Variants in UBN1 observed in about 807,000 individuals in gnomAD.
UBN1 encodes the protein ubinuclein 1, also known as ubinuclein-1.
In UBN1, 17 loss-of-function variants were observed where a neutral mutation model predicts 108.5. The observed-to-expected ratio is 0.16, with a 90% CI of 0.11 to 0.24. The LOEUF (loss-of-function observed/expected upper bound fraction) is 0.24. Ranked by LOEUF, UBN1 falls within the 10% of genes least tolerant of loss-of-function variation. UBN1 has a pLI of 1.00. For missense variants in UBN1, 1,595 were observed against 1,394.4 expected, an observed-to-expected ratio of 1.14 and a Z score of -2.29; for synonymous variants, 726 against 564.2, an observed-to-expected ratio of 1.29 and a Z score of -4.07.
intron 8 of UBN1, among the ~76,000 whole-genome samples, chr16:4,869,906 A>C (rs118185800): frequency 6.6e-6 from 1 of 152,150 alleles, no homozygotes; most frequent in Non-Finnish European, 1.5e-5. Flanking sequence ...TCCACTTTGA[A>C]AGCTTTCATG....
intron 2 of UBN1, among the ~76,000 whole-genome samples, chr16:4,854,537 A>C (rs893726263): frequency 9.8e-6 from 1 of 102,052 alleles, no homozygotes; most frequent in African/African-American, 3.8e-5. Flanking sequence ...TTGTATTTTT[A>C]GTAGAGATGG....
At position 4,877,118 on chromosome 16, in the gene UBN1, GCTT is replaced by G; in HGVS notation, c.3265+11_3265+13del. The stretch of plus-strand genomic sequence containing the variant: ...CACCATGGCCTTGGCCACAGTAAGT[GCTT>G]CTTTGCTGCCTCTGGTCACTCAGGA... On this transcript the variant is annotated splice_region_variant and intron_variant, in intron 16 of 17. Coordinates refer to ENST00000262376, the MANE Select transcript of UBN1 (RefSeq NM_001079514.3). The surrounding 1 kb of genome is among the most constrained non-coding windows in gnomAD (Gnocchi z 4.3). 6.2e-7 allele frequency: 1 copy of G among 1,600,616 alleles called. No individual in the cohort carries two copies. The highest frequency in any genetic ancestry group is 8.5e-7 in the Non-Finnish European group (1 of 1,173,822).
At chr16:4,874,167 A>G in intron 14 of UBN1, 44 bp from the exon 15 acceptor site, 1 of 1,506,062 alleles carries the variant, frequency 6.6e-7, no homozygotes, top group South Asian at 1.4e-5. Context: ...CAATGTTGGC[A>G]TCTTTGGACC....
chr16:4,864,075 C>CTTTTTT (rs796516323), intron 7 of UBN1, among the ~76,000 whole-genome samples: 5 of 86,430 alleles, frequency 5.8e-5, no homozygotes, highest in Admixed American at 1.5e-4. Flanking sequence ...TTGTTGTTGC[C>CTTTTTT]TTTTTTTTTT....
chr16:4,865,186 G>A (rs2087267348), intron 7 of UBN1, among the ~76,000 whole-genome samples: 2 of 152,066 alleles, frequency 1.3e-5, no homozygotes, highest in South Asian at 4.1e-4. Context: ...ATATCCAATT[G>A]CTCTTTTAAT....
At position 4,874,810 on chromosome 16, in the gene UBN1, T is replaced by A. The variant is rs1335974483; in HGVS notation, c.2400T>A (p.Pro800=). 6 of 1,614,020 alleles carry A rather than the reference T, an allele frequency of 3.7e-6. No individual in the cohort carries two copies. The highest frequency in any genetic ancestry group is 5.1e-6 in the Non-Finnish European group (6 of 1,180,054). ...GGCCCCAAGTGGCAGTTCCTGTGCC[T>A]GGCCCCCAGGTCAAAGTCTTTCATG... ...SHGPQVAVPV[P]GPQVKVFHAG... The change falls in exon 15 of 18, where the codon CCT becomes CCA. Residue 800 remains proline (P), a synonymous_variant. Transcript: ENST00000262376.
intron 5 of UBN1, among the ~76,000 whole-genome samples, chr16:4,859,462 C>T (rs894472217): frequency 2.0e-5 from 3 of 152,192 alleles, no homozygotes; most frequent in African/African-American, 7.2e-5. Context: ...GGAATGTGTA[C>T]CACTCTTGCT....
chr16:4,876,241 A>T (rs1369109647), intron 15 of UBN1, among the ~76,000 whole-genome samples: 1 of 152,114 alleles, frequency 6.6e-6, no homozygotes, highest in Non-Finnish European at 1.5e-5. Flanking sequence ...TGCAGGTGTG[A>T]GCCACTGCAC....
At position 4,860,878 on chromosome 16, in the gene UBN1, A is replaced by G; in HGVS notation, c.886A>G (p.Thr296Ala). ...SDPLLSLFGS[T>A]SDNDLLQAAT... is the part of the protein sequence containing the mutation. ...CCCCTTGCTCTCACTCTTTGGCTCT[A>G]CTTCTGACAACGACTTGCTCCAGGC... is the stretch of plus-strand genomic sequence containing the variant. The change falls in exon 7 of 18, where the codon ACT (threonine) becomes GCT (alanine). Residue 296 changes from threonine (T) to alanine (A), a missense_variant. Thr to Ala is a moderately conservative substitution (Grantham distance 58). Coordinates refer to ENST00000262376, the MANE Select transcript of UBN1 (RefSeq NM_001079514.3). 3 of 1,614,226 alleles carry G rather than the reference A, an allele frequency of 1.9e-6. No individual in the cohort carries two copies. Among genetic ancestry groups the G allele is most frequent in the Non-Finnish European group, 2.5e-6 (3 of 1,180,034 alleles).
At chr16:4,864,097 T>G (rs1188741058) in intron 7 of UBN1, among the ~76,000 whole-genome samples, 1 of 141,644 alleles carries the variant, frequency 7.1e-6, no homozygotes, top group Non-Finnish European at 1.6e-5. Context: ...TTTTTTTTTT[T>G]TGAGACAGAG....
chr16:4,860,040 C>A, intron 6 of UBN1, 72 bp downstream of exon 6: 1 of 1,584,934 alleles, frequency 6.3e-7, no homozygotes, highest in South Asian at 1.1e-5. Context: ...AGCTGACTCA[C>A]CTCCTCCCCA....
chr16:4,850,807 C>T (rs886986818), intron 1 of UBN1, among the ~76,000 whole-genome samples: 1 of 152,122 alleles, frequency 6.6e-6, no homozygotes, highest in Admixed American at 6.5e-5. Flanking sequence ...TGCTAATTTT[C>T]CTGAATTAAC....
At chr16:4,870,760 G>A in intron 10 of UBN1, 84 bp from the exon 11 acceptor site, 1 of 1,594,384 alleles carries the variant, frequency 6.3e-7, no homozygotes, top group Non-Finnish European at 8.5e-7. Context: ...CTCCTTCTCT[G>A]TGAAGTCCCA....
chr16:4,855,556 C>T (rs982585507), intron 2 of UBN1, among the ~76,000 whole-genome samples: 4 of 141,364 alleles, frequency 2.8e-5, no homozygotes, highest in African/African-American at 1.1e-4. Context: ...GTCAAGGTTG[C>T]AGTGAGCCGT....
In UBN1 at chr16:4,859,134, A is replaced by G; in HGVS notation, c.542A>G (p.Lys181Arg). 6.2e-7 allele frequency: 1 copy of G among 1,613,432 alleles called. No homozygotes were observed. The highest frequency in any genetic ancestry group is 8.5e-7 in the Non-Finnish European group (1 of 1,179,870). Residue 181 changes from lysine to arginine, a missense_variant, in exon 5 of 18, where the codon AAA becomes AGA. This residue lies in a region of UBN1 where 1,398 missense variants were observed against 1,194.7 expected (regional missense o/e 1.17). Transcript: ENST00000262376. ...TCAGAGTCTGAAGATGACTTCATTA[A>G]AGAAAAGAAGAAAAAATCTCCAAAG... ...QASESEDDFI[K>R]EKKKKSPKKR... is the part of the protein sequence containing the mutation.
intron 1 of UBN1, 132 bp downstream of exon 1, chr16:4,848,342 G>A (rs947585739): frequency 3.9e-5 from 6 of 152,280 alleles, no homozygotes; most frequent in Non-Finnish European, 7.3e-5. Flanking sequence ...CATGAACTGG[G>A]AAGTGTTAAC....
rs536864157 is a variant in UBN1 at position 4,873,008 on chromosome 16, T to G, written c.1758-23T>G. 2.4e-5 allele frequency: 38 copies of G among 1,614,234 alleles called. No homozygotes were observed. In the East Asian group the frequency reaches 8.2e-4, roughly 35 times the overall value. Reference sequence around the variant, plus strand: ...CTCCTCTGGATATTCTCTAAACTTTTCTGTGCTCATTCCTTTGAACAGGGC... The same window carrying G: ...CTCCTCTGGATATTCTCTAAACTTTGCTGTGCTCATTCCTTTGAACAGGGC... On this transcript the variant is annotated intron_variant, in intron 13 of 17. Coordinates refer to ENST00000262376, the MANE Select transcript of UBN1 (RefSeq NM_001079514.3).
chr16:4,862,927 G>C (rs1218214380), intron 7 of UBN1, among the ~76,000 whole-genome samples: 1 of 152,230 alleles, frequency 6.6e-6, no homozygotes, highest in Non-Finnish European at 1.5e-5. Context: ...AGGTGGGCCT[G>C]GGTCCCAGTG....
At position 4,870,588 on chromosome 16, in the gene UBN1, A is replaced by G. The variant is rs765394860; in HGVS notation, c.1384A>G (p.Lys462Glu). ...IGRAMPEQMA[K>E]YQDECQAHTQ... is the part of the protein sequence containing the mutation. ...CAGGGCGATGCCAGAGCAGATGGCC[A>G]AGTACCAGGACGAATGCCAGGCACA... Residue 462 changes from lysine to glutamate, a missense_variant, in exon 10 of 18, where the codon AAG (lysine) becomes GAG (glutamate). Lys to Glu is a moderately conservative substitution (Grantham distance 56, BLOSUM62 1). This residue lies in a region of UBN1 where 1,398 missense variants were observed against 1,194.7 expected (regional missense o/e 1.17). Transcript: ENST00000262376. 1.2e-6 allele frequency: 2 copies of G among 1,614,260 alleles called. No homozygotes were observed. Among genetic ancestry groups the G allele is most frequent in the East Asian group, 4.5e-5 (2 of 44,872 alleles).
Sources: gnomAD v4.1 joint callset for allele counts (sites outside exome capture counted in the v4.1 genomes callset) on GRCh38, gnomAD v4.1.1 for gene constraint, gnomAD v4.1.1 regional missense constraint, Gnocchi (gnomAD v3.1) non-coding constraint, MANE v1.5 for transcripts, NCBI Gene and HGNC (gene_info 2026-07-23, HGNC 2026-07-21) for gene names.